Variants in SWAP70 observed in about 807,000 individuals in gnomAD.
The protein encoded by SWAP70 is switching B cell complex subunit SWAP70, also known as switch-associated protein 70.
A neutral mutation model predicts 80.2 loss-of-function variants in SWAP70; 34 were observed. The ratio of observed to expected loss-of-function variants is 0.42; its 90% CI spans 0.32 to 0.56. The LOEUF (loss-of-function observed/expected upper bound fraction) is 0.56. Among genes scored for constraint, SWAP70 ranks in the 20% least tolerant of loss-of-function variants. The pLI, the probability that SWAP70 is intolerant of heterozygous loss-of-function variation, is 0.09. For missense variants in SWAP70, 578 were observed against 690.7 expected (o/e 0.84, Z 1.83); for synonymous variants, 239 against 238.5 (o/e 1.00, Z -0.02).
intron 2 of SWAP70, among the ~76,000 whole-genome samples, chr11:9,699,552 G>T (rs1483605097): frequency 2.0e-5 from 3 of 152,042 alleles, no homozygotes; most frequent in African/African-American, 7.2e-5. Flanking sequence ...CTGTGTGTAT[G>T]TGTGTTTAAT....
chr11:9,686,217 ATC>A (rs937910200), intron 1 of SWAP70, among the ~76,000 whole-genome samples: 1 of 151,814 alleles, frequency 6.6e-6, no homozygotes, highest in African/African-American at 2.4e-5. Context: ...TTTCTTATAT[ATC>A]TCTCTTTCTC....
intron 1 of SWAP70, among the ~76,000 whole-genome samples, chr11:9,690,673 GC>G (rs1200718786): frequency 1.3e-5 from 2 of 152,006 alleles, no homozygotes; most frequent in East Asian, 3.8e-4. Flanking sequence ...GATCACTTGA[GC>G]CCAGGAGTTT....
intron 1 of SWAP70, among the ~76,000 whole-genome samples, chr11:9,681,854 C>G (rs1028714372): frequency 6.6e-6 from 1 of 152,032 alleles, no homozygotes; most frequent in African/African-American, 2.4e-5. Context: ...ATGAAATTCC[C>G]CTGTGAGAAT....
chr11:9,700,144 G>C (rs1297822958), intron 2 of SWAP70, among the ~76,000 whole-genome samples: 1 of 152,010 alleles, frequency 6.6e-6, no homozygotes, highest in Non-Finnish European at 1.5e-5. Flanking sequence ...CTTTGTTTTA[G>C]TATTTCAAGT....
intron 4 of SWAP70, among the ~76,000 whole-genome samples, chr11:9,727,318 GCA>G (rs1851238293): frequency 6.6e-6 from 1 of 152,136 alleles, no homozygotes; most frequent in African/African-American, 2.4e-5. Context: ...AACCTAGGAG[GCA>G]GAGAGGTTGC....
At chr11:9,682,161 G>A (rs183193089) in intron 1 of SWAP70, among the ~76,000 whole-genome samples, 1 of 152,266 alleles carries the variant, frequency 6.6e-6, no homozygotes, top group African/African-American at 2.4e-5. Flanking sequence ...GGGGAGAATG[G>A]GACCTTGTAC....
rs113738506 is a variant in SWAP70, at chr11:9,694,271, G to T, written c.225G>T (p.Arg75Ser). ...AGGGCTACATGCCTTATTTAAACAG[G>T]TTCATTTTGGAAAAGGTATGATTCT... ...SNQGYMPYLN[R>S]FILEKVQDNF... Residue 75 changes from arginine (R) to serine (S), a missense_variant, in exon 2 of 12, where the codon AGG becomes AGT. Physicochemically the swap from Arg to Ser is moderately radical, Grantham distance 110. Coordinates refer to ENST00000318950, the MANE Select transcript of SWAP70 (RefSeq NM_015055.4). 6.8e-6 allele frequency: 11 copies of T among 1,610,738 alleles called. No homozygotes were observed. The highest frequency in any genetic ancestry group is 9.3e-6 in the Non-Finnish European group (11 of 1,178,706).
intron 2 of SWAP70, among the ~76,000 whole-genome samples, chr11:9,703,723 T>C (rs1850863253): frequency 6.6e-6 from 1 of 152,208 alleles, no homozygotes; most frequent in Non-Finnish European, 1.5e-5. Context: ...ATCCAGCTCT[T>C]AGCATAGTAA....
intron 6 of SWAP70, among the ~76,000 whole-genome samples, chr11:9,731,548 T>G (rs192570856): frequency 1.8e-4 from 27 of 152,342 alleles, no homozygotes. Flanking sequence ...AGTTATGGTT[T>G]AGCTGCACAG....
chr11:9,738,657 A>G (rs1308391281), intron 8 of SWAP70, among the ~76,000 whole-genome samples: 1 of 146,218 alleles, frequency 6.8e-6, no homozygotes, highest in Non-Finnish European at 1.5e-5. Flanking sequence ...GCTTGAGCCC[A>G]GGAGTTCAAG....
At chr11:9,680,020 A>G (rs146927393) in intron 1 of SWAP70, among the ~76,000 whole-genome samples, 3 of 152,324 alleles carry the variant, frequency 2.0e-5, no homozygotes, top group Admixed American at 1.3e-4. Context: ...TATATGTGAC[A>G]GCAGAAATTC....
chr11:9,678,183 G>A (rs1011125490), intron 1 of SWAP70, among the ~76,000 whole-genome samples: 1 of 152,074 alleles, frequency 6.6e-6, no homozygotes, highest in African/African-American at 2.4e-5. Context: ...ATGGTAAAAG[G>A]TTCTATTGAG....
rs373463899 is a variant in SWAP70 at position 9,724,873 on chromosome 11, T to C, written c.630T>C (p.Asp210=). The change falls in exon 4 of 12, where the codon GAT becomes GAC. Residue 210 remains aspartate (D), a synonymous_variant. Coordinates refer to ENST00000318950, the MANE Select transcript of SWAP70 (RefSeq NM_015055.4). The stretch of plus-strand genomic sequence containing the variant: ...AAGTCTTTAATGAACTTATATTAGA[T>C]GTGTTAAAGCAGGTAAGAATTCTGT... The part of the protein sequence containing the change: ...INEVFNELIL[D]VLKQGYMMKK... 6.2e-7 allele frequency: 1 copy of C among 1,601,278 alleles called. No individual in the cohort carries two copies. The highest frequency in any genetic ancestry group is 8.6e-7 in the Non-Finnish European group (1 of 1,169,540).
chr11:9,740,582 A>G (rs1169806424), intron 9 of SWAP70: 1 of 530,416 alleles, frequency 1.9e-6, no homozygotes, highest in East Asian at 3.5e-5. Flanking sequence ...GGCCTATTTT[A>G]GAGCAGTCTG....
chr11:9,674,700 C>T (rs886130957), intron 1 of SWAP70, among the ~76,000 whole-genome samples: 1 of 152,120 alleles, frequency 6.6e-6, no homozygotes, highest in Non-Finnish European at 1.5e-5. Flanking sequence ...TGCGGTGGCT[C>T]ATGCCTGTAA....
At chr11:9,737,280 G>C (rs1029919556) in intron 7 of SWAP70, among the ~76,000 whole-genome samples, 6 of 152,302 alleles carry the variant, frequency 3.9e-5, no homozygotes, top group Admixed American at 3.9e-4. Context: ...CATCTGCCAG[G>C]AGAAGAGCTT....
At chr11:9,739,520 TTTATCAACTGCAGAGAAA>T (rs1160565425) in intron 8 of SWAP70, among the ~76,000 whole-genome samples, 1 of 152,242 alleles carries the variant, frequency 6.6e-6, no homozygotes, top group Non-Finnish European at 1.5e-5. Context: ...GTGAAAATAT[TTTATCAACTGCAGAGAAA>T]TAGGCTAATG....
At chr11:9,677,477 A>G (rs1396722301) in intron 1 of SWAP70, among the ~76,000 whole-genome samples, 11 of 152,174 alleles carry the variant, frequency 7.2e-5, no homozygotes, top group African/African-American at 2.2e-4. Flanking sequence ...CCCTTGGCCC[A>G]TATTAGTCCC....
chr11:9,729,483 T>C (rs376135916), intron 6 of SWAP70, 32 bp downstream of exon 6: 1 of 1,486,866 alleles, frequency 6.7e-7, no homozygotes, highest in African/African-American at 1.4e-5. Context: ...TGCCATGATA[T>C]AACTTGAAAG....
Sources: allele counts gnomAD v4.1 joint callset (sites outside exome capture counted in the v4.1 genomes callset), GRCh38; gene constraint gnomAD v4.1.1; transcripts MANE v1.5; gene names NCBI Gene and HGNC (gene_info 2026-07-23, HGNC 2026-07-21).